The following FANCA variants were observed in gnomAD, a reference collection of about 807,000 sequenced individuals.
The protein encoded by FANCA is Fanconi anemia group A protein.
Under a neutral mutation model 194.3 loss-of-function variants are expected in FANCA, and 236 were observed. That is an observed-to-expected ratio of 1.21 (90% CI 1.09 to 1.35). FANCA has a LOEUF of 1.35. Among genes scored for constraint, FANCA ranks in the 40% most tolerant of loss-of-function variants. FANCA has a pLI of 0.00. For synonymous variants in FANCA, 1,014 were observed against 715.8 expected (o/e 1.42, Z -6.65); for missense variants, 2,628 against 1,813.9 (o/e 1.45, Z -8.15).
At chr16:89,780,929 CAAA>C (rs374412313) in intron 17 of FANCA, among the ~76,000 whole-genome samples, 9 of 107,428 alleles carry the variant, frequency 8.4e-5, no homozygotes, top group Non-Finnish European at 1.1e-4. Flanking sequence ...CATCCCACCT[CAAA>C]AAAAAAAAAA....
chr16:89,760,268 T>G (rs2038907730), intron 29 of FANCA, among the ~76,000 whole-genome samples: 1 of 152,344 alleles, frequency 6.6e-6, no homozygotes, highest in Non-Finnish European at 1.5e-5. Context: ...CAGAGCGGGC[T>G]TGGCACGACC....
chr16:89,790,695 G>T (rs1044798565), intron 14 of FANCA, among the ~76,000 whole-genome samples: 1 of 151,112 alleles, frequency 6.6e-6, no homozygotes, highest in Non-Finnish European at 1.5e-5. Context: ...TGAGCTTTCT[G>T]TACCACTGCA....
rs1405623133 is a variant in FANCA, at chr16:89,798,872, CAGG to C, written c.893+291_893+293del. ...AGGAGGAGCAAGGGGAGACTCCACA[CAGG>C]AGGAGGTCACAGTGAGTGGGACAAA... On this transcript the variant is annotated intron_variant, in intron 10 of 42. Coordinates refer to ENST00000389301, the MANE Select transcript of FANCA (RefSeq NM_000135.4). 46 of 1,559,438 alleles carry C rather than the reference CAGG, an allele frequency of 2.9e-5. No individual in the cohort carries two copies. The East Asian group carries it at 8.1e-4, about 28-fold the overall frequency.
chr16:89,808,077 AGC>A (rs796490200), intron 6 of FANCA, among the ~76,000 whole-genome samples: 1 of 135,514 alleles, frequency 7.4e-6, no homozygotes, highest in African/African-American at 3.5e-5. Flanking sequence ...ACAGACAAAA[AGC>A]AAACAAAACC....
intron 6 of FANCA, among the ~76,000 whole-genome samples, chr16:89,806,924 G>T (rs540802848): frequency 6.6e-6 from 1 of 152,126 alleles, no homozygotes; most frequent in Non-Finnish European, 1.5e-5. Flanking sequence ...CAGTATGGGC[G>T]GCCGGGCAGA....
chr16:89,770,297 T>G, intron 24 of FANCA, 38 bp from the exon 25 acceptor site: 2 of 1,502,512 alleles, frequency 1.3e-6, no homozygotes, highest in Non-Finnish European at 1.8e-6. Context: ...TACTAGCCAT[T>G]CAGTCCTGCA....
At chr16:89,743,852 C>G (rs1369503968) in intron 36 of FANCA, among the ~76,000 whole-genome samples, 3 of 152,094 alleles carry the variant, frequency 2.0e-5, no homozygotes, top group African/African-American at 7.2e-5. Flanking sequence ...AACAAAACTT[C>G]AGACAATCTG....
At chr16:89,806,603 C>A (rs372180712) in intron 6 of FANCA, among the ~76,000 whole-genome samples, 3 of 152,084 alleles carry the variant, frequency 2.0e-5, no homozygotes, top group South Asian at 4.2e-4. Context: ...TATCTTGCAC[C>A]GCCCTTAATC....
intron 27 of FANCA, among the ~76,000 whole-genome samples, chr16:89,766,599 CAGCAACTTGGGA>C (rs1028810048): frequency 4.6e-5 from 7 of 151,976 alleles, no homozygotes; most frequent in Non-Finnish European, 1.0e-4. Flanking sequence ...CCTGTAATCC[CAGCAACTTGGGA>C]AGCTAAGGCA....
intron 9 of FANCA, 85 bp from the exon 10 acceptor site, chr16:89,799,317 C>G (rs1262153340): frequency 1.3e-6 from 2 of 1,509,154 alleles, no homozygotes; most frequent in Non-Finnish European, 1.8e-6. Context: ...TTTCAGACAA[C>G]AGATCCACTT....
At chr16:89,770,378 C>T in intron 24 of FANCA, 119 bp from the exon 25 acceptor site, 1 of 1,083,266 alleles carries the variant, frequency 9.2e-7, no homozygotes, top group Non-Finnish European at 1.4e-6. Flanking sequence ...AAACAGTGGT[C>T]TTTCTGGAAG....
intron 39 of FANCA, 29 bp from the exon 40 acceptor site, chr16:89,739,582 C>T (rs2151713151): frequency 6.5e-7 from 1 of 1,547,722 alleles, no homozygotes; most frequent in East Asian, 2.4e-5. Context: ...GCTCAGGCAA[C>T]TCTGGACATC....
intron 26 of FANCA, chr16:89,769,604 A>G: frequency 1.7e-6 from 1 of 588,914 alleles, no homozygotes; most frequent in Non-Finnish European, 3.0e-6. Flanking sequence ...ATCTACTATT[A>G]ATTTCAGCAG....
At chr16:89,750,506 C>T (rs1038842840) in intron 31 of FANCA, among the ~76,000 whole-genome samples, 1 of 136,830 alleles carries the variant, frequency 7.3e-6, no homozygotes, top group African/African-American at 2.7e-5. Context: ...CAAAAAAAAA[C>T]AGCCAGGTAT....
chr16:89,763,865 A>T (rs1356078074), intron 28 of FANCA, among the ~76,000 whole-genome samples: 1 of 151,318 alleles, frequency 6.6e-6, no homozygotes, highest in Non-Finnish European at 1.5e-5. Context: ...CCAGAGAGGC[A>T]GAGGCTGCAG....
intron 14 of FANCA, among the ~76,000 whole-genome samples, chr16:89,788,246 A>G (rs1232307871): frequency 6.6e-6 from 1 of 151,756 alleles, no homozygotes; most frequent in Non-Finnish European, 1.5e-5. Flanking sequence ...GCGGATGACA[A>G]ACTCAAGAGA....
intron 20 of FANCA, chr16:89,778,417 G>T (rs571041096): frequency 3.0e-6 from 1 of 338,000 alleles, no homozygotes; most frequent in Non-Finnish European, 5.5e-6. Flanking sequence ...AGTGAGCCAA[G>T]ATTGTGCAAT....
chr16:89,795,834 G>A lies in FANCA; in HGVS notation c.1006+72C>T, dbSNP rs564983942. 5.7e-5 allele frequency: 64 copies of A among 1,117,684 alleles called. No homozygotes were observed. In the Middle Eastern group the frequency reaches 9.9e-4, roughly 17 times the overall value. The allele number at this position is 1,117,684 out of a possible 1,614,324, so 69.2% of individuals were successfully genotyped here. A position where few individuals can be genotyped will look rare whatever the true frequency, so the allele number is the denominator to read the frequency against. On this transcript the variant is annotated intron_variant, in intron 11 of 42. Transcript: ENST00000389301. ...AGAATTCCTGGCATCTCCAGTCAGCGTTACCAAGGCAACAAGGCAACAGCA... is the reference window on the plus strand; with the variant it reads ...AGAATTCCTGGCATCTCCAGTCAGCATTACCAAGGCAACAAGGCAACAGCA...
chr16:89,764,630 C>A (rs1303660543), intron 28 of FANCA, among the ~76,000 whole-genome samples: 1 of 152,198 alleles, frequency 6.6e-6, no homozygotes, highest in African/African-American at 2.4e-5. Context: ...AAGAGCTGCA[C>A]ATGAGGCCAC....
Sources: gnomAD v4.1 joint callset for allele counts (sites outside exome capture counted in the v4.1 genomes callset) on GRCh38, gnomAD v4.1.1 for gene constraint, MANE v1.5 for transcripts, NCBI Gene and HGNC (gene_info 2026-07-23, HGNC 2026-07-21) for gene names.